TGFB1I1: variants seen among roughly 807,000 people sequenced by gnomAD.
TGFB1I1 encodes the protein transforming growth factor beta-1-induced transcript 1 protein.
TGFB1I1 carries 33 observed loss-of-function variants against 52.0 expected under a neutral mutation model. That is an observed-to-expected ratio of 0.63 (90% CI 0.48 to 0.85). TGFB1I1 has a LOEUF of 0.85. Among genes scored for constraint, TGFB1I1 ranks in the 40% least tolerant of loss-of-function variants. The pLI is 0.00. For synonymous variants in TGFB1I1, 236 were observed against 253.3 expected (o/e 0.93, Z 0.65); for missense variants, 577 against 614.9 (o/e 0.94, Z 0.65).
At chr16:31,473,280 T>C in intron 1 of TGFB1I1, 161 bp from the exon 2 acceptor site, 1 of 1,426,522 alleles carries the variant, frequency 7.0e-7, no homozygotes, top group South Asian at 1.5e-5. Context: ...TGGTCATAAA[T>C]ATTCCTTGCT....
chr16:31,475,787 C>G (rs2082419378), intron 7 of TGFB1I1: 4 of 504,994 alleles, frequency 7.9e-6, no homozygotes, highest in Non-Finnish European at 1.0e-5. Flanking sequence ...TTGTGGGCTC[C>G]AGGCGCTGTG....
intron 7 of TGFB1I1, chr16:31,475,114 C>T: frequency 3.6e-6 from 1 of 274,058 alleles, no homozygotes; most frequent in African/African-American, 2.3e-5. Flanking sequence ...GGACTGGGTT[C>T]ACTGGTCCTT....
At position 31,477,042 on chromosome 16, in the gene TGFB1I1, C is replaced by G; in HGVS notation, c.1119+32C>G. The G allele has an allele frequency of 1.5e-6, 1 of 666,338 alleles. No homozygotes were observed. Among genetic ancestry groups the G allele is most frequent in the Non-Finnish European group, 2.3e-6 (1 of 427,114 alleles). 41.3% of individuals were successfully genotyped at this position (666,338 alleles called of 1,614,324 possible). A position where few individuals can be genotyped will look rare whatever the true frequency, so the allele number is the denominator to read the frequency against. On this transcript the variant is annotated intron_variant, in intron 10 of 10. Coordinates refer to ENST00000394863, the MANE Select transcript of TGFB1I1 (RefSeq NM_001042454.3). This position sits in a 1 kb window ranked among gnomAD's most constrained non-coding sequence, Gnocchi z 4.7. ...GCTGCGGGGCGGGGCGTTGGAGGGG[C>G]GGGTCAAGGGTACAGGGCTGTGGGG... is the stretch of plus-strand genomic sequence containing the variant.
chr16:31,475,093 C>A, intron 7 of TGFB1I1: 1 of 310,776 alleles, frequency 3.2e-6, no homozygotes, highest in Non-Finnish European at 6.1e-6. Flanking sequence ...TCTCTTCCTC[C>A]GTCAGAGTCT....
At position 31,474,435 on chromosome 16, in the gene TGFB1I1, G is replaced by A; in HGVS notation, c.499G>A (p.Asp167Asn). ...GGATAGACTGATGGCCTCACTCTCT[G>A]ACTTCCGCGTTCAAAACCATGTGAG... Reference protein sequence around the residue: ...ELDRLMASLSDFRVQNHLPAS... With the variant: ...ELDRLMASLSNFRVQNHLPAS... The change falls in exon 6 of 11, where the codon GAC (aspartate) becomes AAC (asparagine). Residue 167 changes from aspartate to asparagine, a missense_variant. Around this residue, in one of 3 missense-constraint regions of TGFB1I1, gnomAD observed 456 missense variants for 461.6 expected, o/e 0.99. Coordinates refer to ENST00000394863, the MANE Select transcript of TGFB1I1 (RefSeq NM_001042454.3). This position sits in a 1 kb window ranked among gnomAD's most constrained non-coding sequence, Gnocchi z 4.2. 1 of 1,614,170 alleles carries A rather than the reference G, an allele frequency of 6.2e-7. No individual in the cohort carries two copies. Among genetic ancestry groups the A allele is most frequent in the Non-Finnish European group, 8.5e-7 (1 of 1,180,044 alleles).
Position 31,474,687 on chromosome 16 carries a change from T to C in TGFB1I1, c.644T>C (p.Leu215Pro). The change falls in exon 7 of 11, where the codon CTC becomes CCC. Residue 215 changes from leucine to proline, a missense_variant. Around this residue, in one of 3 missense-constraint regions of TGFB1I1, gnomAD observed 456 missense variants for 461.6 expected, o/e 0.99. Transcript: ENST00000394863. The surrounding 1 kb of genome is among the most constrained non-coding windows in gnomAD (Gnocchi z 4.2). Reference protein sequence around the residue: ...DTMLGLLQSDLSRRGVPTQAK... With the variant: ...DTMLGLLQSDPSRRGVPTQAK... ...ATGCTGGGGCTGCTGCAGTCCGACC[T>C]CAGCCGCCGGGGTGTTCCCACCCAG... The C allele has an allele frequency of 1.2e-6, 2 of 1,613,108 alleles. No individual in the cohort carries two copies. Among genetic ancestry groups the C allele is most frequent in the Admixed American group, 3.3e-5 (2 of 59,930 alleles).
intron 7 of TGFB1I1, 33 bp from the exon 8 acceptor site, chr16:31,475,979 G>T (rs1053477215): frequency 2.5e-6 from 4 of 1,595,506 alleles, no homozygotes; most frequent in Non-Finnish European, 3.4e-6. Context: ...GGTTGTCAGA[G>T]CCGCTCTGAC....
At position 31,477,173 on chromosome 16, in the gene TGFB1I1, G is replaced by C; in HGVS notation, c.1120-137G>C. ...GAACCTCGGGTGGGGCGAGTTTTCCGGGCAGGGTCCCACCGGACGGGATTC... is the reference window on the plus strand; with the variant it reads ...GAACCTCGGGTGGGGCGAGTTTTCCCGGCAGGGTCCCACCGGACGGGATTC... On this transcript the variant is annotated intron_variant, in intron 10 of 10. Coordinates refer to ENST00000394863, the MANE Select transcript of TGFB1I1 (RefSeq NM_001042454.3). The surrounding 1 kb of genome is among the most constrained non-coding windows in gnomAD (Gnocchi z 4.7). 1 of 1,438,034 alleles carries C rather than the reference G, an allele frequency of 7.0e-7. No individual in the cohort carries two copies. Among genetic ancestry groups the C allele is most frequent in the Non-Finnish European group, 9.3e-7 (1 of 1,080,966 alleles). The allele number at this position is 1,438,034 out of a possible 1,614,324, so 89.1% of individuals were successfully genotyped here.
In TGFB1I1 at chr16:31,473,916, C is replaced by G. The variant is rs192606816; in HGVS notation, c.264C>G (p.Thr88=). 1 of 1,613,262 alleles carries G rather than the reference C, an allele frequency of 6.2e-7. No homozygotes were observed. The highest frequency in any genetic ancestry group is 8.5e-7 in the Non-Finnish European group (1 of 1,179,648). Residue 88 remains threonine (T), a synonymous_variant, in exon 4 of 11, where the codon ACC becomes ACG. Coordinates refer to ENST00000394863, the MANE Select transcript of TGFB1I1 (RefSeq NM_001042454.3). ...CCTCTTCCAGCGGTGTCTTGGGTAC[C>G]GGGCTCTGTGAGCTAGATCGGTTGC... ...PFSSSSGVLG[T]GLCELDRLLQ...
intron 1 of TGFB1I1, chr16:31,472,406 T>A: frequency 2.5e-6 from 2 of 809,648 alleles, no homozygotes; most frequent in Non-Finnish European, 3.2e-6. Context: ...CCTTCTTCCC[T>A]CGCTGTGCTC....
In TGFB1I1 at chr16:31,474,011, T is replaced by C. The variant is rs761429210; in HGVS notation, c.325+34T>C. On this transcript the variant is annotated intron_variant, in intron 4 of 10. Coordinates refer to ENST00000394863, the MANE Select transcript of TGFB1I1 (RefSeq NM_001042454.3). This position sits in a 1 kb window ranked among gnomAD's most constrained non-coding sequence, Gnocchi z 4.2. Reference sequence around the variant, plus strand: ...GTGACTGAGAGAGGCCTTGATGCGATAGGGGCAGGGGAGGGAAGGGTGGGG... The same window carrying C: ...GTGACTGAGAGAGGCCTTGATGCGACAGGGGCAGGGGAGGGAAGGGTGGGG... 1.8e-5 allele frequency: 29 copies of C among 1,612,332 alleles called. No homozygotes were observed. Among genetic ancestry groups the C allele is most frequent in the Admixed American group, 1.5e-4 (9 of 59,910 alleles).
At chr16:31,473,085 G>C in intron 1 of TGFB1I1, 5 of 556,978 alleles carry the variant, frequency 9.0e-6, no homozygotes, top group Non-Finnish European at 1.2e-5. Flanking sequence ...TAACCAGCAT[G>C]GAAGAGAGAG....
intron 2 of TGFB1I1, 37 bp downstream of exon 2, chr16:31,473,593 G>A: frequency 6.2e-7 from 1 of 1,612,350 alleles, no homozygotes; most frequent in Non-Finnish European, 8.5e-7. Flanking sequence ...CAGCCACTAG[G>A]GCCAGGCTCG....
Position 31,474,672 on chromosome 16 carries a change from T to A in TGFB1I1, c.629T>A (p.Leu210Gln). 6.2e-7 allele frequency: 1 copy of A among 1,613,384 alleles called. No individual in the cohort carries two copies. Among genetic ancestry groups the A allele is most frequent in the South Asian group, 1.1e-5 (1 of 90,998 alleles). ...GGCAGCCTAGACACCATGCTGGGGC[T>A]GCTGCAGTCCGACCTCAGCCGCCGG... ...GKGSLDTMLG[L>Q]LQSDLSRRGV... Residue 210 changes from leucine to glutamine, a missense_variant, in exon 7 of 11, where the codon CTG becomes CAG. Physicochemically the swap from Leu to Gln is moderately radical, Grantham distance 113. Coordinates refer to ENST00000394863, the MANE Select transcript of TGFB1I1 (RefSeq NM_001042454.3). The surrounding 1 kb of genome is among the most constrained non-coding windows in gnomAD (Gnocchi z 4.2).
In TGFB1I1 at chr16:31,476,073, C is replaced by G. The variant is rs367688614; in HGVS notation, c.776C>G (p.Thr259Ser). 1 of 1,613,804 alleles carries G rather than the reference C, an allele frequency of 6.2e-7. No homozygotes were observed. The highest frequency in any genetic ancestry group is 1.1e-5 in the South Asian group (1 of 91,086). The change falls in exon 8 of 11, where the codon ACC (threonine) becomes AGC (serine). Residue 259 changes from threonine (T) to serine (S), a missense_variant. Physicochemically the swap from Thr to Ser is moderately conservative, Grantham distance 58. Transcript: ENST00000394863. This position sits in a 1 kb window ranked among gnomAD's most constrained non-coding sequence, Gnocchi z 7.6. The part of the protein sequence containing the change: ...PEHFVCGGCS[T>S]ALGGSSFFEK... The stretch of plus-strand genomic sequence containing the variant: ...CACTTCGTTTGCGGAGGCTGTTCCA[C>G]CGCCCTGGGAGGCAGCAGCTTCTTC...
Position 31,477,431 on chromosome 16 carries a change from G to GC in TGFB1I1, c.1243dup (p.Arg415ProfsTer?). On this transcript the variant is annotated frameshift_variant, in exon 11 of 11. Transcript: ENST00000394863. LOFTEE classifies it high-confidence loss of function. The surrounding 1 kb of genome is among the most constrained non-coding windows in gnomAD (Gnocchi z 4.7). ...GCCACGTGTGGCCTCCCTGTGACCG[G>GC]CCGCTGCGTGTCGGCCCTGGGTCGC... is the stretch of plus-strand genomic sequence containing the variant. 1 of 1,601,752 alleles carries GC rather than the reference G, an allele frequency of 6.2e-7. No homozygotes were observed. The highest frequency in any genetic ancestry group is 8.5e-7 in the Non-Finnish European group (1 of 1,174,858).
rs368994517 is a variant in TGFB1I1 at position 31,476,567 on chromosome 16, G to C, written c.970+5G>C. 2 of 1,611,376 alleles carry C rather than the reference G, an allele frequency of 1.2e-6. No individual in the cohort carries two copies. The highest frequency in any genetic ancestry group is 1.3e-5 in the African/African-American group (1 of 74,920). ...GGGAGCCCTTCGGAGATGAGGGTGA[G>C]AGTGAACTCGACTCCCATCTTAAAA... On this transcript the variant is annotated splice_donor_5th_base_variant and intron_variant, in intron 9 of 10. Coordinates refer to ENST00000394863, the MANE Select transcript of TGFB1I1 (RefSeq NM_001042454.3). This position sits in a 1 kb window ranked among gnomAD's most constrained non-coding sequence, Gnocchi z 7.6.
Position 31,474,404 on chromosome 16 carries a change from G to T in TGFB1I1, c.468G>T (p.Leu156=). The T allele has an allele frequency of 1.2e-6, 2 of 1,614,222 alleles. No individual in the cohort carries two copies. Among genetic ancestry groups the T allele is most frequent in the Non-Finnish European group, 1.7e-6 (2 of 1,180,044 alleles). The part of the protein sequence containing the change: ...LPKASATSAT[L]ELDRLMASLS... Reference sequence around the variant, plus strand: ...AGGCTTCTGCCACCTCAGCCACTCTGGAGCTGGATAGACTGATGGCCTCAC... The same window carrying T: ...AGGCTTCTGCCACCTCAGCCACTCTTGAGCTGGATAGACTGATGGCCTCAC... Residue 156 remains leucine (L), a synonymous_variant, in exon 6 of 11, where the codon CTG becomes CTT. Coordinates refer to ENST00000394863, the MANE Select transcript of TGFB1I1 (RefSeq NM_001042454.3). The surrounding 1 kb of genome is among the most constrained non-coding windows in gnomAD (Gnocchi z 4.2).
chr16:31,473,621 C>T, intron 2 of TGFB1I1, 61 bp from the exon 3 acceptor site: 1 of 1,604,142 alleles, frequency 6.2e-7, no homozygotes, highest in Middle Eastern at 1.7e-4. Flanking sequence ...CTATGGGGAT[C>T]TCAGCCTCAG....
Sources: gnomAD v4.1 joint callset for allele counts on GRCh38, gnomAD v4.1.1 for gene constraint, gnomAD v4.1.1 regional missense constraint, Gnocchi (gnomAD v3.1) non-coding constraint, MANE v1.5 for transcripts, NCBI Gene and HGNC (gene_info 2026-07-23, HGNC 2026-07-21) for gene names.